The following COL4A2 variants were observed in gnomAD, a reference collection of about 807,000 sequenced individuals.
COL4A2 encodes collagen type IV alpha 2 chain.
COL4A2 carries 99 observed loss-of-function variants against 200.2 expected under a neutral mutation model. The observed-to-expected ratio is 0.49, with a 90% confidence interval of 0.42 to 0.58. The LOEUF (loss-of-function observed/expected upper bound fraction) is 0.58. Ranked by LOEUF, COL4A2 falls within the 20% of genes least tolerant of loss-of-function variation. The pLI, the probability that COL4A2 is intolerant of heterozygous loss-of-function variation, is 0.00. For synonymous variants in COL4A2, 897 were observed against 900.6 expected (o/e 1.00, Z 0.07); for missense variants, 1,950 against 2,314.1 (o/e 0.84, Z 3.23).
intron 4 of COL4A2, among the ~76,000 whole-genome samples, chr13:110,385,547 T>C (rs1566505085): frequency 1.9e-4 from 27 of 140,918 alleles, no homozygotes; most frequent in Non-Finnish European, 2.2e-4. Context: ...AGGCCGTGGT[T>C]GCAGTGTGTG....
At chr13:110,329,778 TC>T (rs1248521271) in intron 3 of COL4A2, among the ~76,000 whole-genome samples, 2 of 152,034 alleles carry the variant, frequency 1.3e-5, no homozygotes, top group African/African-American at 2.4e-5. Flanking sequence ...CATCTGGTAT[TC>T]TCAACCACCC....
At chr13:110,391,626 G>A (rs924621235) in intron 4 of COL4A2, among the ~76,000 whole-genome samples, 1 of 152,244 alleles carries the variant, frequency 6.6e-6, no homozygotes, top group Non-Finnish European at 1.5e-5. Context: ...CTAGCGCGAT[G>A]CCCTTGAGTA....
chr13:110,501,018 G>A (rs985741557), intron 40 of COL4A2, among the ~76,000 whole-genome samples: 3 of 152,210 alleles, frequency 2.0e-5, no homozygotes, highest in African/African-American at 4.8e-5. Context: ...AGTATGAGCT[G>A]CAGCAAGAAG....
intron 3 of COL4A2, among the ~76,000 whole-genome samples, chr13:110,351,219 T>A (rs536360638): frequency 1.3e-5 from 2 of 149,914 alleles, no homozygotes; most frequent in African/African-American, 4.9e-5. Flanking sequence ...CAGCTATTCT[T>A]TTTGTTTGTT....
chr13:110,372,959 G>A (rs1285234755), intron 4 of COL4A2, among the ~76,000 whole-genome samples: 1 of 152,218 alleles, frequency 6.6e-6, no homozygotes, highest in African/African-American at 2.4e-5. Flanking sequence ...TCTAATGTAT[G>A]TTGGCTGCTG....
intron 4 of COL4A2, among the ~76,000 whole-genome samples, chr13:110,407,798 GA>G (rs1319776835): frequency 5.9e-5 from 9 of 152,308 alleles, no homozygotes; most frequent in Non-Finnish European, 1.3e-4. Flanking sequence ...GAGGACGGGG[GA>G]CAGCAGTGTC....
At chr13:110,412,166 A>G (rs1015678698) in intron 4 of COL4A2, among the ~76,000 whole-genome samples, 1 of 152,230 alleles carries the variant, frequency 6.6e-6, no homozygotes, top group Non-Finnish European at 1.5e-5. Flanking sequence ...GGAATTGTCC[A>G]ACCAATCAGT....
At position 110,480,288 on chromosome 13, in the gene COL4A2, T is replaced by C. The variant is rs1210627893; in HGVS notation, c.2656T>C (p.Ser886Pro). ...APGPVGMKGL[S>P]GDRGDAGFTG... ...TGGCCCTGTGGGCATGAAAGGTCTC[T>C]CTGGTGACAGAGGAGATGCTGGCTT... Residue 886 changes from serine (S) to proline (P), a missense_variant, in exon 31 of 48, where the codon TCT becomes CCT. Coordinates refer to ENST00000360467, the MANE Select transcript of COL4A2 (RefSeq NM_001846.4). The C allele has an allele frequency of 6.2e-7, 1 of 1,613,964 alleles. No homozygotes were observed. Among genetic ancestry groups the C allele is most frequent in the Non-Finnish European group, 8.5e-7 (1 of 1,179,906 alleles).
chr13:110,319,883 T>C (rs1271354982), intron 3 of COL4A2, among the ~76,000 whole-genome samples: 1 of 152,224 alleles, frequency 6.6e-6, no homozygotes, highest in Admixed American at 6.5e-5. Context: ...TCATCAGCTC[T>C]TATTGTCCGG....
intron 45 of COL4A2, among the ~76,000 whole-genome samples, chr13:110,505,217 G>A (rs1353555269): frequency 1.3e-5 from 2 of 152,044 alleles, no homozygotes; most frequent in Non-Finnish European, 2.9e-5. Context: ...GGGCGTGGTG[G>A]CGGGCGCCAG....
chr13:110,354,957 A>G (rs1380608583), intron 3 of COL4A2, among the ~76,000 whole-genome samples: 1 of 152,226 alleles, frequency 6.6e-6, no homozygotes, highest in East Asian at 1.9e-4. Flanking sequence ...GTGACAGGAA[A>G]GGGGAAGGTT....
At position 110,497,755 on chromosome 13, in the gene COL4A2, T is replaced by G. The variant is rs909639318; in HGVS notation, c.3760+2288T>G. Among the ~76,000 whole-genome samples, 338 of 149,594 alleles carry G rather than the reference T, an allele frequency of 2.3e-3. 20 individuals carry two copies. The highest frequency in any genetic ancestry group is 7.7e-3 in the African/African-American group (307 of 39,864). ...ACAGCCTCAGTCAGGGGTGAGGATCTGGGGTCAGTCCAGCAGCACAGCCTC... is the reference window on the plus strand; with the variant it reads ...ACAGCCTCAGTCAGGGGTGAGGATCGGGGGTCAGTCCAGCAGCACAGCCTC... On this transcript the variant is annotated intron_variant, in intron 40 of 47. Transcript: ENST00000360467.
chr13:110,484,256 G>A (rs938271336), intron 32 of COL4A2, among the ~76,000 whole-genome samples: 1 of 152,128 alleles, frequency 6.6e-6, no homozygotes, highest in African/African-American at 2.4e-5. Context: ...GATCCCATCA[G>A]CCTCTAGCCT....
In COL4A2 at chr13:110,495,227, C is replaced by T. The variant is rs1388461331; in HGVS notation, c.3635-115C>T. The T allele has an allele frequency of 4.0e-6, 5 of 1,243,482 alleles. No homozygotes were observed. In the African/African-American group the frequency reaches 5.9e-5, roughly 15 times the overall value. 77.0% of individuals were successfully genotyped at this position (1,243,482 alleles called of 1,614,324 possible). On this transcript the variant is annotated intron_variant, in intron 39 of 47. Transcript: ENST00000360467. ...ATATTGCAATGCAAGCTGAAATCACCATGGCTGCCTCTGTTTCTTTGCTTT... is the reference window on the plus strand; with the variant it reads ...ATATTGCAATGCAAGCTGAAATCACTATGGCTGCCTCTGTTTCTTTGCTTT...
At chr13:110,375,206 G>C (rs941360794) in intron 4 of COL4A2, among the ~76,000 whole-genome samples, 2 of 152,166 alleles carry the variant, frequency 1.3e-5, no homozygotes, top group Non-Finnish European at 2.9e-5. Flanking sequence ...TTACACCTCT[G>C]TCCCAGCCCC....
In COL4A2 at chr13:110,489,442, T is replaced by C; in HGVS notation, c.3208-3T>C. ...TTCTAAGATGGTTCATGTCTGTCTT[T>C]AGGGTGACAAAGGTGCCCCAGGGAG... is the stretch of plus-strand genomic sequence containing the variant. On this transcript the variant is annotated splice_region_variant and splice_polypyrimidine_tract_variant and intron_variant, in intron 34 of 47. Transcript: ENST00000360467. The C allele has an allele frequency of 1.2e-6, 2 of 1,614,090 alleles. No individual in the cohort carries two copies. The highest frequency in any genetic ancestry group is 2.2e-5 in the South Asian group (2 of 91,072).
chr13:110,503,758 G>A (rs1883736220), intron 43 of COL4A2, 89 bp from the exon 44 acceptor site: 1 of 1,503,942 alleles, frequency 6.6e-7, no homozygotes, highest in Non-Finnish European at 9.2e-7. Context: ...TCCAAAAGAA[G>A]CCTCCCTGGT....
intron 4 of COL4A2, among the ~76,000 whole-genome samples, chr13:110,393,297 CT>C (rs1879058690): frequency 6.6e-6 from 1 of 152,156 alleles, no homozygotes; most frequent in African/African-American, 2.4e-5. Context: ...CTTTCGCTGG[CT>C]CAATTTCTTA....
intron 32 of COL4A2, among the ~76,000 whole-genome samples, chr13:110,484,590 C>G (rs1883046133): frequency 6.6e-6 from 1 of 152,138 alleles, no homozygotes; most frequent in East Asian, 1.9e-4. Context: ...AACAAAATGA[C>G]CTTCTCACAA....
Sources: allele counts gnomAD v4.1 joint callset (sites outside exome capture counted in the v4.1 genomes callset), GRCh38; gene constraint gnomAD v4.1.1; transcripts MANE v1.5; gene names NCBI Gene and HGNC (gene_info 2026-07-23, HGNC 2026-07-21).